EYA2: variants seen among roughly 807,000 people sequenced by gnomAD.
EYA2 encodes the protein EYA transcriptional coactivator and phosphatase 2.
A neutral mutation model predicts 69.2 loss-of-function variants in EYA2; 31 were observed. The observed-to-expected ratio is 0.45, with a 90% confidence interval of 0.34 to 0.60. The LOEUF (loss-of-function observed/expected upper bound fraction) is 0.60, where lower values mean the gene tolerates loss of function less well. EYA2 is among the 20% of genes least tolerant of loss of function. The probability of loss-of-function intolerance (pLI) is 0.02; values close to 1 mark genes in which losing one functional copy is unlikely to be tolerated. For synonymous variants in EYA2, 257 were observed against 279.4 expected (o/e 0.92, Z 0.80); for missense variants, 622 against 701.2 (o/e 0.89, Z 1.28).
chr20:47,063,392 C>CGTGTGTGTGTGTGTGT (rs35187186), intron 5 of EYA2, among the ~76,000 whole-genome samples: 1,650 of 143,442 alleles, frequency 0.012, 20 homozygotes, highest in East Asian at 0.027. Context: ...TGTGCGTGTG[C>CGTGTGTGTGTGTGTGT]GTGTGTGTGT....
chr20:47,152,520 C>T (rs945860205), intron 10 of EYA2, among the ~76,000 whole-genome samples: 2 of 151,508 alleles, frequency 1.3e-5, no homozygotes, highest in African/African-American at 4.8e-5. Flanking sequence ...GCATTAGAAA[C>T]TAGGGGTGGG....
chr20:46,923,422 A>C (rs998882537), intron 1 of EYA2, among the ~76,000 whole-genome samples: 17 of 152,244 alleles, frequency 1.1e-4, no homozygotes, highest in African/African-American at 4.1e-4. Flanking sequence ...TAGGACAACT[A>C]AATACAGTAC....
At chr20:46,931,654 C>G (rs1349574322) in intron 1 of EYA2, among the ~76,000 whole-genome samples, 2 of 152,172 alleles carry the variant, frequency 1.3e-5, no homozygotes, top group African/African-American at 4.8e-5. Context: ...ATTTCACATA[C>G]TCAGACCTGG....
At chr20:47,184,889 C>A (rs915207212) in intron 15 of EYA2, among the ~76,000 whole-genome samples, 1 of 152,126 alleles carries the variant, frequency 6.6e-6, no homozygotes, top group Non-Finnish European at 1.5e-5. Context: ...GCTAGTCAGG[C>A]AAGAGTAGAG....
chr20:47,182,625 G>T (rs1248153714), intron 14 of EYA2, among the ~76,000 whole-genome samples: 1 of 31,690 alleles, frequency 3.2e-5, no homozygotes, highest in Non-Finnish European at 5.4e-5. Context: ...ACGAGACTCC[G>T]TCTAAAAAAA....
intron 13 of EYA2, among the ~76,000 whole-genome samples, chr20:47,180,367 T>C (rs1291241232): frequency 6.6e-6 from 1 of 152,194 alleles, no homozygotes; most frequent in Non-Finnish European, 1.5e-5. Context: ...CAAGGCTCAG[T>C]GGATACCTTG....
At chr20:47,157,136 C>G (rs963118489) in intron 10 of EYA2, among the ~76,000 whole-genome samples, 2 of 151,738 alleles carry the variant, frequency 1.3e-5, no homozygotes, top group African/African-American at 4.8e-5. Context: ...GGGCAGATCA[C>G]TTGAGGTCAG....
chr20:46,952,407 G>C (rs1419109973), intron 1 of EYA2, among the ~76,000 whole-genome samples: 1 of 152,190 alleles, frequency 6.6e-6, no homozygotes, highest in Non-Finnish European at 1.5e-5. Flanking sequence ...CAAGCCAGAA[G>C]CTGGCCTCAT....
chr20:47,028,623 C>G (rs1441636620), intron 5 of EYA2, among the ~76,000 whole-genome samples: 1 of 152,236 alleles, frequency 6.6e-6, no homozygotes. Flanking sequence ...TCCCTGCCCC[C>G]CTGGAGTTCA....
intron 7 of EYA2, among the ~76,000 whole-genome samples, chr20:47,077,979 A>C (rs1437633716): frequency 2.0e-5 from 3 of 152,208 alleles, no homozygotes; most frequent in Admixed American, 6.5e-5. Flanking sequence ...AGATGCCACT[A>C]TCCGTCTATA....
intron 14 of EYA2, among the ~76,000 whole-genome samples, chr20:47,182,702 G>C (rs1230245510): frequency 6.6e-6 from 1 of 151,072 alleles, no homozygotes; most frequent in Non-Finnish European, 1.5e-5. Context: ...TTGAGACACT[G>C]AGGTGAGCAG....
chr20:47,017,943 G>A (rs1324252793), intron 5 of EYA2, among the ~76,000 whole-genome samples: 3 of 152,184 alleles, frequency 2.0e-5, no homozygotes. Context: ...AAAGCCCATC[G>A]CTGTAACCCC....
intron 5 of EYA2, among the ~76,000 whole-genome samples, chr20:47,040,424 G>A (rs1026010854): frequency 6.6e-6 from 1 of 152,182 alleles, no homozygotes; most frequent in Non-Finnish European, 1.5e-5. Context: ...TCCACAGTCT[G>A]AGCCTCAGTT....
intron 9 of EYA2, among the ~76,000 whole-genome samples, chr20:47,140,899 C>T (rs899617637): frequency 2.1e-4 from 32 of 152,134 alleles, no homozygotes; most frequent in African/African-American, 7.5e-4. Context: ...GGGGAGTCAA[C>T]GTGTGCAAAG....
intron 1 of EYA2, among the ~76,000 whole-genome samples, chr20:46,983,214 G>T (rs1980955033): frequency 6.6e-6 from 1 of 152,008 alleles, no homozygotes; most frequent in African/African-American, 2.4e-5. Flanking sequence ...TTTTGTTTTT[G>T]TTTTTTGTCT....
At chr20:47,116,707 CGCTCCCACTGTGTCAACA>C (rs2032904532) in intron 9 of EYA2, among the ~76,000 whole-genome samples, 1 of 152,302 alleles carries the variant, frequency 6.6e-6, no homozygotes, top group African/African-American at 2.4e-5. Context: ...TCCACTCTCA[CGCTCCCACTGTGTCAACA>C]GCCCTTCCTG....
chr20:47,057,300 C>A (rs542373407), intron 5 of EYA2, among the ~76,000 whole-genome samples: 1 of 152,146 alleles, frequency 6.6e-6, no homozygotes, highest in African/African-American at 2.4e-5. Flanking sequence ...GGCTTGCCAG[C>A]TGCAGCCAGG....
chr20:47,117,333 C>A (rs533543972), intron 9 of EYA2: 2 of 980,796 alleles, frequency 2.0e-6, no homozygotes, highest in Non-Finnish European at 2.4e-6. Context: ...TAACTCCATC[C>A]CCAGGCCATC....
At chr20:47,001,314 G>A (rs745744142) in intron 2 of EYA2, 114 bp from the exon 3 acceptor site, 26 of 872,290 alleles carry the variant, frequency 3.0e-5, no homozygotes, top group Non-Finnish European at 4.1e-5. Flanking sequence ...GGAGAAAGCC[G>A]CGGGCAGCAC....
Sources: gnomAD v4.1 joint callset for allele counts (sites outside exome capture counted in the v4.1 genomes callset) on GRCh38, gnomAD v4.1.1 for gene constraint, MANE v1.5 for transcripts, NCBI Gene and HGNC (gene_info 2026-07-23, HGNC 2026-07-21) for gene names.